Variants in TMOD4 observed in about 807,000 individuals in gnomAD.
TMOD4 encodes tropomodulin-4.
Under a neutral mutation model 45.4 loss-of-function variants are expected in TMOD4, and 34 were observed. The ratio of observed to expected loss-of-function variants is 0.75; its 90% CI spans 0.57 to 1.00. TMOD4 has a LOEUF of 1.00. TMOD4 is among the 50% of genes least tolerant of loss of function. The pLI, the probability that TMOD4 is intolerant of heterozygous loss-of-function variation, is 0.00. For synonymous variants in TMOD4, 131 were observed against 153.9 expected (o/e 0.85, Z 1.10); for missense variants, 399 against 437.5 (o/e 0.91, Z 0.78).
chr1:151,171,932 G>C (rs1683974040), intron 5 of TMOD4, among the ~76,000 whole-genome samples, 169 bp from the exon 6 acceptor site: 1 of 151,754 alleles, frequency 6.6e-6, no homozygotes, highest in African/African-American at 2.4e-5. Context: ...GACCTCCCGG[G>C]TTCAAGAAAT....
intron 5 of TMOD4, among the ~76,000 whole-genome samples, 183 bp downstream of exon 5, chr1:151,172,085 C>T (rs1295558334): frequency 5.3e-5 from 8 of 152,088 alleles, no homozygotes; most frequent in Non-Finnish European, 8.8e-5. Flanking sequence ...CCACCTGCCT[C>T]GGCCTCCCTA....
chr1:151,172,805 T>G (rs977659521), intron 4 of TMOD4, among the ~76,000 whole-genome samples: 12 of 152,010 alleles, frequency 7.9e-5, no homozygotes, highest in East Asian at 1.9e-4. Flanking sequence ...GCTAATTTTT[T>G]TTGTTGTTGT....
At chr1:151,173,982 A>G (rs587618165) in intron 3 of TMOD4, among the ~76,000 whole-genome samples, 28 of 150,372 alleles carry the variant, frequency 1.9e-4, no homozygotes, top group Admixed American at 4.6e-4. Flanking sequence ...TTGGGAGGCT[A>G]AGGCGGGCAG....
intron 4 of TMOD4, among the ~76,000 whole-genome samples, chr1:151,173,110 C>T (rs587673974): frequency 5.3e-5 from 8 of 152,082 alleles, no homozygotes; most frequent in East Asian, 3.9e-4. Context: ...TGTGAGCCAC[C>T]GCACCCGGCC....
chr1:151,171,187 G>A, intron 7 of TMOD4, 124 bp from the exon 8 acceptor site: 1 of 1,130,898 alleles, frequency 8.8e-7, no homozygotes, highest in East Asian at 2.4e-5. Context: ...TGTAAATGGA[G>A]CTAGAGGGAT....
chr1:151,170,395 AT>A (rs1683909134), intron 9 of TMOD4, 123 bp downstream of exon 9: 1 of 1,438,488 alleles, frequency 7.0e-7, no homozygotes, highest in Non-Finnish European at 9.5e-7. Flanking sequence ...GGGATTTGAA[AT>A]TCTCATATGA....
At position 151,170,928 on chromosome 1, in the gene TMOD4, C is replaced by G; in HGVS notation, c.862G>C (p.Asp288His). The G allele has an allele frequency of 1.2e-6, 2 of 1,614,052 alleles. No homozygotes were observed. Among genetic ancestry groups the G allele is most frequent in the South Asian group, 2.2e-5 (2 of 91,038 alleles). ...ENATLTELRV[D>H]NQRQWPGDAV... Reference sequence around the variant, plus strand: ...GGGAAGGGAATGCTGACCTGATTGTCTACACGGAGCTCAGTGAGTGTGGCA... The same window carrying G: ...GGGAAGGGAATGCTGACCTGATTGTGTACACGGAGCTCAGTGAGTGTGGCA... Residue 288 changes from aspartate (D) to histidine (H), a missense_variant, in exon 8 of 10, where the codon GAC becomes CAC. Physicochemically the swap from Asp to His is moderately conservative, Grantham distance 81 (BLOSUM62 -1). Transcript: ENST00000295314.
intron 8 of TMOD4, 91 bp downstream of exon 8, chr1:151,170,829 C>G: frequency 1.9e-6 from 3 of 1,540,266 alleles, no homozygotes. Flanking sequence ...AGAATTCAAG[C>G]AAGATTAAGT....
rs1231509628 is a variant in TMOD4 at position 151,174,419 on chromosome 1, G to GTCA, written c.249_251dup (p.Asp84dup). ...TCTTCTCGCCTGTGAAGGGCACCAA[G>GTCA]TCATCACGCTCTTTGACTTCTAGTG... On this transcript the variant is annotated inframe_insertion, in exon 3 of 10. Transcript: ENST00000295314. 7 of 1,614,016 alleles carry GTCA rather than the reference G, an allele frequency of 4.3e-6. No individual in the cohort carries two copies. The Admixed American group carries it at 1.0e-4, about 23-fold the overall frequency.
chr1:151,171,064 C>G lies in TMOD4; in HGVS notation c.727-1G>C. 6.2e-7 allele frequency: 1 copy of G among 1,614,032 alleles called. No individual in the cohort carries two copies. On this transcript the variant is annotated splice_acceptor_variant, in intron 7 of 9. Transcript: ENST00000295314. LOFTEE classifies it high-confidence loss of function. ...TCTCACGCAACATGTCAGCCACTGC[C>G]TGGGTAGTAGGGACTTGGGTTAGGA...
chr1:151,171,808 A>G (rs1683967624), intron 5 of TMOD4, 45 bp from the exon 6 acceptor site: 4 of 1,578,684 alleles, frequency 2.5e-6, no homozygotes, highest in Admixed American at 1.9e-5. Flanking sequence ...GTTCCCCATA[A>G]TCTCCTCCCC....
At chr1:151,173,830 G>A (rs966219652) in intron 3 of TMOD4, among the ~76,000 whole-genome samples, 10 of 152,212 alleles carry the variant, frequency 6.6e-5, no homozygotes, top group Non-Finnish European at 1.2e-4. Flanking sequence ...TGTAATCCCA[G>A]CACTTGGGGA....
intron 5 of TMOD4, 41 bp from the exon 6 acceptor site, chr1:151,171,804 C>T: frequency 1.3e-6 from 2 of 1,585,880 alleles, no homozygotes; most frequent in South Asian, 1.2e-5. Flanking sequence ...ACATGTTCCC[C>T]ATAATCTCCT....
At chr1:151,173,110 C>G (rs587673974) in intron 4 of TMOD4, among the ~76,000 whole-genome samples, 2 of 151,964 alleles carry the variant, frequency 1.3e-5, no homozygotes, top group Non-Finnish European at 2.9e-5. Flanking sequence ...TGTGAGCCAC[C>G]GCACCCGGCC....
chr1:151,171,223 G>A lies in TMOD4; in HGVS notation c.727-160C>T, dbSNP rs74450581. ...ACAGAAAGCAGGGCGGATAGCAGGG[G>A]AAAGCAGGGAGATGAATGTGCAGTG... On this transcript the variant is annotated intron_variant, in intron 7 of 9. Transcript: ENST00000295314. Among the ~76,000 whole-genome samples the A allele has an allele frequency of 5.3e-5, 8 of 152,310 alleles. No homozygotes were observed. In the East Asian group the frequency reaches 1.2e-3, roughly 22 times the overall value.
intron 5 of TMOD4, 75 bp downstream of exon 5, chr1:151,172,193 C>T: frequency 8.2e-7 from 1 of 1,222,130 alleles, no homozygotes; most frequent in Non-Finnish European, 1.2e-6. Flanking sequence ...TCAATTTCAC[C>T]CTTTTCTACC....
intron 4 of TMOD4, 94 bp downstream of exon 4, chr1:151,173,405 A>C: frequency 1.2e-6 from 1 of 853,430 alleles, no homozygotes; most frequent in Non-Finnish European, 2.0e-6. Flanking sequence ...AGACATCCAC[A>C]TTCTGGTTGA....
chr1:151,171,284 G>A, intron 7 of TMOD4, 149 bp downstream of exon 7: 2 of 808,118 alleles, frequency 2.5e-6, no homozygotes, highest in Admixed American at 2.3e-5. Flanking sequence ...AGAGTTATGA[G>A]CCATAGCACT....
intron 4 of TMOD4, among the ~76,000 whole-genome samples, chr1:151,172,881 G>A (rs1684002199): frequency 6.6e-6 from 1 of 152,098 alleles, no homozygotes; most frequent in Non-Finnish European, 1.5e-5. Context: ...GAGTGCAGTG[G>A]CACTATCTTG....
Sources: allele counts gnomAD v4.1 joint callset (sites outside exome capture counted in the v4.1 genomes callset), GRCh38; gene constraint gnomAD v4.1.1; transcripts MANE v1.5; gene names NCBI Gene and HGNC (gene_info 2026-07-23, HGNC 2026-07-21).